Variants in TPD52 observed in about 807,000 individuals in gnomAD.
The protein encoded by TPD52 is tumor protein D52.
A neutral mutation model predicts 31.3 loss-of-function variants in TPD52; 17 were observed. The ratio of observed to expected loss-of-function variants is 0.54; its 90% CI spans 0.37 to 0.82. The LOEUF is 0.82. Among genes scored for constraint, TPD52 ranks in the 40% least tolerant of loss-of-function variants. The probability of loss-of-function intolerance (pLI) is 0.00; values close to 1 mark genes in which losing one functional copy is unlikely to be tolerated. For synonymous variants in TPD52, 83 were observed against 89.6 expected (o/e 0.93, Z 0.42); for missense variants, 212 against 240.1 (o/e 0.88, Z 0.77).
chr8:80,140,006 G>C (rs1268751388), intron 1 of TPD52, among the ~76,000 whole-genome samples: 6 of 152,172 alleles, frequency 3.9e-5, no homozygotes, highest in African/African-American at 1.4e-4. Flanking sequence ...ACTGAAAAAA[G>C]AAAAGAAGCC....
chr8:80,171,380 CCGAG>C lies in TPD52; in HGVS notation c.19+41_19+44del, dbSNP rs748382350. 2.3e-5 allele frequency: 36 copies of C among 1,584,058 alleles called. 1 individual carries two copies. The Admixed American group carries it at 5.6e-4, about 24-fold the overall frequency. On this transcript the variant is annotated intron_variant, in intron 1 of 7. Transcript: ENST00000518937. ...GCCGAGCCAAAGCCCGAGTCCAAGC[CCGAG>C]TCCAAGCCCGAGCCCAAGCCCGCTG... is the stretch of plus-strand genomic sequence containing the variant.
At chr8:80,133,246 T>G (rs1206113157) in intron 1 of TPD52, among the ~76,000 whole-genome samples, 2 of 152,172 alleles carry the variant, frequency 1.3e-5, no homozygotes, top group African/African-American at 2.4e-5. Context: ...ACTCAATAAT[T>G]ATCGGCCCCT....
intron 2 of TPD52, among the ~76,000 whole-genome samples, chr8:80,056,775 T>C (rs1174039426): frequency 3.9e-5 from 6 of 152,118 alleles, no homozygotes; most frequent in Non-Finnish European, 8.8e-5. Flanking sequence ...AAAATGAAGT[T>C]GGGCAGCAAA....
intron 1 of TPD52, among the ~76,000 whole-genome samples, chr8:80,071,460 C>T (rs977832792): frequency 2.0e-5 from 3 of 152,126 alleles, no homozygotes; most frequent in African/African-American, 7.2e-5. Context: ...CACTTCCTCA[C>T]TGCCCACTAC....
At chr8:80,119,466 T>C (rs1055716682) in intron 1 of TPD52, among the ~76,000 whole-genome samples, 1 of 152,240 alleles carries the variant, frequency 6.6e-6, no homozygotes, top group Non-Finnish European at 1.5e-5. Flanking sequence ...GAATAATGTG[T>C]ATACTATCCC....
At chr8:80,132,787 CTG>C (rs1164584853) in intron 1 of TPD52, among the ~76,000 whole-genome samples, 1 of 152,164 alleles carries the variant, frequency 6.6e-6, no homozygotes, top group Non-Finnish European at 1.5e-5. Context: ...TTTTGTTGTT[CTG>C]TGCCACCCAC....
chr8:80,061,445 T>A (rs1812540748), intron 2 of TPD52, among the ~76,000 whole-genome samples: 1 of 143,674 alleles, frequency 7.0e-6, no homozygotes, highest in Admixed American at 7.5e-5. Context: ...CTTATGCCTG[T>A]AATCCCAGCA....
chr8:80,102,196 G>A (rs528525238), intron 1 of TPD52, among the ~76,000 whole-genome samples: 4 of 152,318 alleles, frequency 2.6e-5, no homozygotes, highest in South Asian at 2.1e-4. Flanking sequence ...TTCTGGCTCC[G>A]GATTTCCCCT....
At chr8:80,086,282 C>A (rs1378350004) in intron 1 of TPD52, among the ~76,000 whole-genome samples, 2 of 151,414 alleles carry the variant, frequency 1.3e-5, no homozygotes, top group East Asian at 3.9e-4. Flanking sequence ...CCACGCCCAG[C>A]TAATTTTTGT....
At chr8:80,054,282 C>T (rs1811647795) in intron 2 of TPD52, among the ~76,000 whole-genome samples, 1 of 152,056 alleles carries the variant, frequency 6.6e-6, no homozygotes, top group Non-Finnish European at 1.5e-5. Context: ...GTATGGAAAG[C>T]TTAAATATGC....
intron 1 of TPD52, among the ~76,000 whole-genome samples, chr8:80,117,736 T>TTC (rs957699474): frequency 5.1e-4 from 74 of 144,882 alleles, no homozygotes; most frequent in Non-Finnish European, 6.4e-4. Context: ...TTTTCTTTCT[T>TTC]TTTTTTTTTT....
At chr8:80,134,951 T>C (rs745311723) in intron 1 of TPD52, among the ~76,000 whole-genome samples, 3 of 152,146 alleles carry the variant, frequency 2.0e-5, no homozygotes, top group African/African-American at 7.2e-5. Flanking sequence ...ATCCAAACCC[T>C]GAGATATATG....
intron 1 of TPD52, among the ~76,000 whole-genome samples, chr8:80,117,899 A>T (rs920890084): frequency 2.6e-5 from 4 of 151,470 alleles, no homozygotes; most frequent in Non-Finnish European, 5.9e-5. Context: ...CTCCTAGCTA[A>T]TTTTTTGTAT....
downstream of TPD52, among the ~76,000 whole-genome samples, chr8:80,031,998 CAA>C (rs897713594): frequency 2.6e-5 from 4 of 151,700 alleles, no homozygotes; most frequent in African/African-American, 9.7e-5. Flanking sequence ...ACTAAAAATA[CAA>C]AAATTAGCTG....
At chr8:80,148,454 C>T (rs956762616) in intron 1 of TPD52, among the ~76,000 whole-genome samples, 3 of 152,130 alleles carry the variant, frequency 2.0e-5, no homozygotes, top group African/African-American at 7.2e-5. Flanking sequence ...AGAGCCACCA[C>T]ACCTGGCCCT....
chr8:80,132,691 G>A (rs962221980), intron 1 of TPD52, among the ~76,000 whole-genome samples: 1 of 152,192 alleles, frequency 6.6e-6, no homozygotes, highest in Non-Finnish European at 1.5e-5. Context: ...CAACATACCA[G>A]GGTGAGGACA....
At chr8:80,049,993 A>T (rs1477217474) in intron 5 of TPD52, among the ~76,000 whole-genome samples, 3 of 152,190 alleles carry the variant, frequency 2.0e-5, no homozygotes, top group Admixed American at 6.5e-5. Flanking sequence ...TAACCAATAG[A>T]AGATGGAAGA....
intron 1 of TPD52, among the ~76,000 whole-genome samples, chr8:80,136,181 A>AAAAAAAAAAAAAAC (rs1242456762): frequency 6.9e-6 from 1 of 145,968 alleles, no homozygotes; most frequent in Non-Finnish European, 1.5e-5. Context: ...CTTTGAGGTT[A>AAAAAAAAAAAAAAC]AAAAAAAAAC....
At chr8:80,133,875 G>A (rs1809204030) in intron 1 of TPD52, among the ~76,000 whole-genome samples, 1 of 152,048 alleles carries the variant, frequency 6.6e-6, no homozygotes, top group Non-Finnish European at 1.5e-5. Context: ...AGAATAACAG[G>A]GTCACTTTTT....
Sources: allele counts gnomAD v4.1 joint callset (sites outside exome capture counted in the v4.1 genomes callset), GRCh38; gene constraint gnomAD v4.1.1; transcripts MANE v1.5; gene names NCBI Gene and HGNC (gene_info 2026-07-23, HGNC 2026-07-21).